The following KRT8 variants were observed in gnomAD, a reference collection of about 807,000 sequenced individuals.
The protein encoded by KRT8 is keratin, type II cytoskeletal 8.
A neutral mutation model predicts 43.0 loss-of-function variants in KRT8; 24 were observed. The observed-to-expected ratio is 0.56, with a 90% CI of 0.40 to 0.78. The LOEUF (loss-of-function observed/expected upper bound fraction) is 0.78. Ranked by LOEUF, KRT8 falls within the 30% of genes least tolerant of loss-of-function variation. The pLI is 0.00. For missense variants in KRT8, 492 were observed against 638.4 expected (o/e 0.77, Z 2.47); for synonymous variants, 214 against 261.2 (o/e 0.82, Z 1.74).
chr12:52,918,225 A>AGAAGAAGAAGAAGAAGAG (rs1941812257), intron 2 of KRT8, among the ~76,000 whole-genome samples: 2 of 151,076 alleles, frequency 1.3e-5, no homozygotes, highest in Non-Finnish European at 3.0e-5. Flanking sequence ...AAGAAGAAGA[A>AGAAGAAGAAGAAGAAGAG]GAAGAAGAAG....
chr12:52,911,267 G>T (rs1248296201), upstream of KRT8, among the ~76,000 whole-genome samples: 1 of 152,072 alleles, frequency 6.6e-6, no homozygotes, highest in Non-Finnish European at 1.5e-5. Context: ...CAGAAGAATC[G>T]CTTGAACCCA....
intron 2 of KRT8, among the ~76,000 whole-genome samples, chr12:52,912,621 T>C (rs1941657235): frequency 6.6e-6 from 1 of 152,184 alleles, no homozygotes; most frequent in South Asian, 2.1e-4. Flanking sequence ...CAAAGTTGCA[T>C]AGGACTGGTG....
chr12:52,949,181 T>G (rs756991398), intron 2 of KRT8: 1 of 1,611,634 alleles, frequency 6.2e-7, no homozygotes, highest in Non-Finnish European at 8.5e-7. Flanking sequence ...AGCATGAGCT[T>G]CACCACTCGC....
At chr12:52,931,424 CTTG>C (rs551968381) in intron 2 of KRT8, among the ~76,000 whole-genome samples, 111 of 152,240 alleles carry the variant, frequency 7.3e-4, no homozygotes, top group Admixed American at 1.6e-3. Context: ...TCCTAGGGAA[CTTG>C]TTGTAGAGAT....
exon 2 of KRT8, chr12:52,949,565 A>G: frequency 6.2e-7 from 1 of 1,613,960 alleles, no homozygotes; most frequent in Non-Finnish European, 8.5e-7. Context: ...CATTACTTCA[A>G]GATCATCGAG....
At chr12:52,905,166 C>T (rs1941486703), upstream of KRT8, 1 of 1,150,682 alleles carries the variant, frequency 8.7e-7, no homozygotes, top group African/African-American at 1.6e-5. Flanking sequence ...CTGGGCCTAA[C>T]CCGTCACCTG....
chr12:52,904,649 G>A lies in KRT8; in HGVS notation c.324+9C>T, dbSNP rs766556441. 1 of 1,611,826 alleles carries A rather than the reference G, an allele frequency of 6.2e-7. No individual in the cohort carries two copies. Among genetic ancestry groups the A allele is most frequent in the Non-Finnish European group, 8.5e-7 (1 of 1,179,474 alleles). On this transcript the variant is annotated intron_variant, in intron 1 of 7. Transcript: ENST00000692008. ...CGGGCACAGTCAGCCACGCAGGGGG[G>A]ACCCTCACCTTGTCTATGAAGGAGG...
At chr12:52,944,481 G>A (rs1348472962) in intron 2 of KRT8, among the ~76,000 whole-genome samples, 4 of 152,196 alleles carry the variant, frequency 2.6e-5, no homozygotes, top group Non-Finnish European at 4.4e-5. Context: ...TAGGCTGGGG[G>A]ATATGGCATT....
At chr12:52,917,819 G>A (rs1170236484) in intron 2 of KRT8, among the ~76,000 whole-genome samples, 4 of 151,846 alleles carry the variant, frequency 2.6e-5, no homozygotes, top group Non-Finnish European at 2.9e-5. Context: ...GGCATAGGTT[G>A]CAGTGAGCTG....
At chr12:52,904,832 C>G in exon 1 of KRT8, 3 of 1,612,538 alleles carry the variant, frequency 1.9e-6, no homozygotes, top group Non-Finnish European at 2.5e-6. Flanking sequence ...AGCCGCCGCC[C>G]AGGCCACCGC....
intron 2 of KRT8, among the ~76,000 whole-genome samples, chr12:52,921,395 C>T (rs1161800884): frequency 6.6e-6 from 1 of 152,162 alleles, no homozygotes; most frequent in Non-Finnish European, 1.5e-5. Flanking sequence ...AATTGTCCAG[C>T]TGCAAAAGTC....
intron 1 of KRT8, chr12:52,903,527 T>C (rs1040898319): frequency 6.6e-6 from 1 of 152,158 alleles, no homozygotes; most frequent in Non-Finnish European, 1.5e-5. Context: ...GTTCCCACAA[T>C]GCCTCCCAGG....
intron 2 of KRT8, among the ~76,000 whole-genome samples, chr12:52,919,266 T>TG (rs904456227): frequency 2.6e-5 from 4 of 152,108 alleles, no homozygotes; most frequent in African/African-American, 9.7e-5. Context: ...GTTTCTTTTT[T>TG]GTTTTTTTGT....
Position 52,898,664 on chromosome 12 carries a change from G to A in KRT8, c.1202+15C>T, listed in dbSNP as rs368926140. On this transcript the variant is annotated intron_variant, in intron 6 of 7. Coordinates refer to ENST00000692008, the Ensembl canonical transcript of KRT8. Reference sequence around the variant, plus strand: ...GGATAGGGAAGCAGGTCCGGTCAGAGGTACCCACACCCACCGGCTCTCCTC... The same window carrying A: ...GGATAGGGAAGCAGGTCCGGTCAGAAGTACCCACACCCACCGGCTCTCCTC... 43 of 1,614,176 alleles carry A rather than the reference G, an allele frequency of 2.7e-5. No individual in the cohort carries two copies. In the African/African-American group the frequency reaches 4.4e-4, roughly 17 times the overall value.
chr12:52,947,469 TTTTA>T (rs72148819), intron 2 of KRT8: 82,815 of 150,262 alleles, frequency 0.55, 23,801 homozygotes, highest in African/African-American at 0.7. Context: ...GACACATTAC[TTTTA>T]TTTATTTATT....
intron 2 of KRT8, among the ~76,000 whole-genome samples, chr12:52,940,081 C>A (rs1487720904): frequency 6.6e-6 from 1 of 152,016 alleles, no homozygotes; most frequent in Non-Finnish European, 1.5e-5. Flanking sequence ...TGATACCCTG[C>A]AATAACATAG....
At chr12:52,926,351 C>CCCG in intron 2 of KRT8, 1 of 1,224,786 alleles carries the variant, frequency 8.2e-7, no homozygotes, top group South Asian at 1.3e-5. Flanking sequence ...ACCCCACCCC[C>CCCG]AGGACTGTGC....
intron 1 of KRT8, among the ~76,000 whole-genome samples, 160 bp downstream of exon 1, chr12:52,904,498 G>A (rs542403815): frequency 7.9e-5 from 12 of 152,296 alleles, no homozygotes; most frequent in African/African-American, 2.9e-4. Flanking sequence ...CCAAACCAAG[G>A]TGCACGGGAG....
In KRT8 at chr12:52,904,642, C is replaced by T. The variant is rs1237317065; in HGVS notation, c.324+16G>A. On this transcript the variant is annotated intron_variant, in intron 1 of 7. Coordinates refer to ENST00000692008, the Ensembl canonical transcript of KRT8. ...GGGGCTGCGGGCACAGTCAGCCACG[C>T]AGGGGGGACCCTCACCTTGTCTATG... 6.2e-7 allele frequency: 1 copy of T among 1,611,212 alleles called. No homozygotes were observed. The highest frequency in any genetic ancestry group is 8.5e-7 in the Non-Finnish European group (1 of 1,179,064).
Sources: allele counts gnomAD v4.1 joint callset (sites outside exome capture counted in the v4.1 genomes callset), GRCh38; gene constraint gnomAD v4.1.1; transcripts MANE v1.5; gene names NCBI Gene and HGNC (gene_info 2026-07-23, HGNC 2026-07-21).